Variants in NUP98 observed in about 807,000 individuals in gnomAD.
NUP98 encodes nucleoporin 98 and 96 precursor, also known as nuclear pore complex protein Nup98-Nup96.
A neutral mutation model predicts 191.9 loss-of-function variants in NUP98; 26 were observed. The ratio of observed to expected loss-of-function variants is 0.14; its 90% CI spans 0.10 to 0.19. The LOEUF is 0.19. Among genes scored for constraint, NUP98 ranks in the 10% least tolerant of loss-of-function variants. The pLI, the probability that NUP98 is intolerant of heterozygous loss-of-function variation, is 1.00. For synonymous variants in NUP98, 808 were observed against 778.4 expected (o/e 1.04, Z -0.63); for missense variants, 1,941 against 2,178.8 (o/e 0.89, Z 2.17).
intron 5 of NUP98, among the ~76,000 whole-genome samples, chr11:3,775,166 G>A (rs2081667802): frequency 6.6e-6 from 1 of 152,118 alleles, no homozygotes; most frequent in Non-Finnish European, 1.5e-5. Context: ...AACAAAACCT[G>A]TATTTTTCAG....
At chr11:3,740,286 G>A (rs1390997641) in intron 12 of NUP98, among the ~76,000 whole-genome samples, 1 of 152,134 alleles carries the variant, frequency 6.6e-6, no homozygotes, top group African/African-American at 2.4e-5. Flanking sequence ...CGAAGCGAGA[G>A]GATTGCTTGA....
chr11:3,791,508 TG>T (rs2082347094), intron 1 of NUP98, among the ~76,000 whole-genome samples: 1 of 103,992 alleles, frequency 9.6e-6, no homozygotes, highest in South Asian at 3.1e-4. Flanking sequence ...TACTCCAGCC[TG>T]GGGGAAAGAC....
intron 20 of NUP98, chr11:3,712,221 AT>A (rs2079040886): frequency 1.8e-6 from 2 of 1,093,362 alleles, no homozygotes; most frequent in African/African-American, 3.2e-5. Flanking sequence ...CAGGTAGTCA[AT>A]AAAGGCAGAA....
At chr11:3,761,077 A>G (rs2081149905) in intron 9 of NUP98, among the ~76,000 whole-genome samples, 1 of 152,218 alleles carries the variant, frequency 6.6e-6, no homozygotes, top group African/African-American at 2.4e-5. Context: ...AAAAGACCAC[A>G]TATTATGATT....
chr11:3,679,907 T>G, intron 30 of NUP98, 199 bp from the exon 31 acceptor site: 1 of 589,280 alleles, frequency 1.7e-6, no homozygotes, highest in Non-Finnish European at 2.9e-6. Flanking sequence ...CACAATAAAA[T>G]CACAAATTTT....
intron 12 of NUP98, among the ~76,000 whole-genome samples, chr11:3,743,941 C>G: frequency 6.6e-6 from 1 of 152,052 alleles, no homozygotes; most frequent in East Asian, 1.9e-4. Flanking sequence ...CACCTGTAAT[C>G]CCAGCTACTC....
intron 4 of NUP98, 96 bp from the exon 5 acceptor site, chr11:3,776,117 C>A: frequency 2.8e-5 from 21 of 746,312 alleles, no homozygotes; most frequent in Non-Finnish European, 4.1e-5. Context: ...CATCACAGTA[C>A]TTCATTTTTT....
chr11:3,763,114 A>G (rs117050509), intron 8 of NUP98, 75 bp from the exon 9 acceptor site: 99 of 1,442,728 alleles, frequency 6.9e-5, no homozygotes, highest in Middle Eastern at 5.9e-4. Flanking sequence ...AATAAAAAAA[A>G]AGTTACCATT....
intron 4 of NUP98, among the ~76,000 whole-genome samples, chr11:3,777,877 G>GGC (rs2081801142): frequency 3.3e-5 from 5 of 151,898 alleles, no homozygotes; most frequent in African/African-American, 1.2e-4. Flanking sequence ...ATATTTCAAT[G>GGC]TTATACAAAC....
At chr11:3,777,070 C>A (rs2081758222) in intron 4 of NUP98, among the ~76,000 whole-genome samples, 1 of 152,004 alleles carries the variant, frequency 6.6e-6, no homozygotes, top group Non-Finnish European at 1.5e-5. Flanking sequence ...TAACATATAC[C>A]TACACATAAC....
intron 28 of NUP98, among the ~76,000 whole-genome samples, chr11:3,689,458 C>T (rs1156452608): frequency 2.6e-5 from 4 of 151,774 alleles, no homozygotes; most frequent in Non-Finnish European, 5.9e-5. Flanking sequence ...ACCTGGAAGG[C>T]AGAGCTTGCA....
chr11:3,744,488 T>C, intron 12 of NUP98, 21 bp downstream of exon 12: 3 of 1,586,840 alleles, frequency 1.9e-6, no homozygotes, highest in Non-Finnish European at 2.6e-6. Flanking sequence ...AGAAAAGCCT[T>C]CTAAAGTGAC....
In NUP98 at chr11:3,773,008, A is replaced by C. The variant is rs141692448; in HGVS notation, c.603+624T>G. Among the ~76,000 whole-genome samples, 595 of 152,064 alleles carry C rather than the reference A, an allele frequency of 3.9e-3. 2 individuals are homozygous for C. The highest frequency in any genetic ancestry group is 0.011 in the South Asian group (55 of 4,820). On this transcript the variant is annotated intron_variant, in intron 6 of 32. Coordinates refer to ENST00000324932, the MANE Select transcript of NUP98 (RefSeq NM_016320.5). ...AAACAAACAAAAAAAACAAAAAAAA[A>C]CCAACTTTTATTAAGCTGTACTTTG...
At chr11:3,705,512 T>C (rs2078833701) in intron 21 of NUP98, among the ~76,000 whole-genome samples, 156 bp from the exon 22 acceptor site, 1 of 152,248 alleles carries the variant, frequency 6.6e-6, no homozygotes, top group South Asian at 2.1e-4. Context: ...CATTACACTG[T>C]GTGTGCCTGA....
chr11:3,756,191 T>C (rs893274416), intron 10 of NUP98, among the ~76,000 whole-genome samples: 13 of 152,150 alleles, frequency 8.5e-5, no homozygotes, highest in African/African-American at 3.1e-4. Context: ...AAAGGGATCT[T>C]ACAGTCCCAT....
intron 25 of NUP98, among the ~76,000 whole-genome samples, 175 bp from the exon 26 acceptor site, chr11:3,695,781 A>G (rs2078483470): frequency 6.6e-6 from 1 of 152,156 alleles, no homozygotes; most frequent in African/African-American, 2.4e-5. Flanking sequence ...TTCTGCTTGG[A>G]TAGAAAATTT....
intron 2 of NUP98, among the ~76,000 whole-genome samples, chr11:3,780,116 G>A (rs1218463054): frequency 2.6e-5 from 4 of 152,124 alleles, no homozygotes; most frequent in Non-Finnish European, 5.9e-5. Flanking sequence ...TTTTTGATGA[G>A]AGATACATAT....
chr11:3,721,975 TA>T (rs1449775169), intron 16 of NUP98, among the ~76,000 whole-genome samples: 1 of 152,090 alleles, frequency 6.6e-6, no homozygotes, highest in East Asian at 1.9e-4. Flanking sequence ...AAGGGAACTC[TA>T]AATTGGGTGG....
In NUP98 at chr11:3,695,475, T is replaced by C. The variant is rs138780373; in HGVS notation, c.4141A>G (p.Ile1381Val). The C allele has an allele frequency of 1.7e-4, 262 of 1,585,408 alleles. 1 individual carries two copies. In the African/African-American group the frequency reaches 3.2e-3, roughly 19 times the overall value. ...DSFIQDERLR[I>V]FALLAGKPVW... The stretch of plus-strand genomic sequence containing the variant: ...GGTTTTCCAGCCAACAGAGCAAAGA[T>C]GCGCAGTCTCTCATCCTGGATGAAG... Residue 1381 changes from isoleucine to valine, a missense_variant, in exon 26 of 33, where the codon ATC (isoleucine) becomes GTC (valine). By Grantham distance (29) the Ile-to-Val change is conservative. Around this residue, in one of 6 missense-constraint regions of NUP98, gnomAD observed 1,030 missense variants for 1,115.8 expected, o/e 0.92. Transcript: ENST00000324932.
Sources: gnomAD v4.1 joint callset for allele counts (sites outside exome capture counted in the v4.1 genomes callset) on GRCh38, gnomAD v4.1.1 for gene constraint, gnomAD v4.1.1 regional missense constraint, MANE v1.5 for transcripts, NCBI Gene and HGNC (gene_info 2026-07-23, HGNC 2026-07-21) for gene names.